The following GSE1 variants were observed in gnomAD, a reference collection of about 807,000 sequenced individuals.
GSE1 encodes Gse1 coiled-coil protein, also known as genetic suppressor element 1.
In GSE1, 32 loss-of-function variants were observed where a neutral mutation model predicts 112.6. That is an observed-to-expected ratio of 0.28 (90% CI 0.21 to 0.38). The LOEUF is 0.38. Among genes scored for constraint, GSE1 ranks in the 10% least tolerant of loss-of-function variants. The probability of loss-of-function intolerance (pLI) is 1.00; values close to 1 mark genes in which losing one functional copy is unlikely to be tolerated. For missense variants in GSE1, 2,348 were observed against 1,699.2 expected, an observed-to-expected ratio of 1.38 and a Z score of -6.71; for synonymous variants, 1,115 against 735.6, an observed-to-expected ratio of 1.52 and a Z score of -8.35.
intron 1 of GSE1, among the ~76,000 whole-genome samples, chr16:85,182,860 C>T (rs1788613524): frequency 6.6e-6 from 1 of 152,090 alleles, no homozygotes; most frequent in Non-Finnish European, 1.5e-5. Context: ...CCCCACCACT[C>T]CTCTGACCCA....
At chr16:85,626,996 GCCAGCCTTGT>G (rs1365903076) in intron 1 of GSE1, among the ~76,000 whole-genome samples, 1 of 137,810 alleles carries the variant, frequency 7.3e-6, no homozygotes, top group Non-Finnish European at 1.5e-5. Context: ...CGCTGGGCCA[GCCAGCCTTGT>G]CCCTCTCCAC....
intron 1 of GSE1, among the ~76,000 whole-genome samples, chr16:85,334,530 T>A (rs1193567006): frequency 6.6e-6 from 1 of 152,196 alleles, no homozygotes; most frequent in Non-Finnish European, 1.5e-5. Flanking sequence ...TGCTCATCCT[T>A]GAAGGACCTG....
intron 1 of GSE1, among the ~76,000 whole-genome samples, chr16:85,572,511 CCACA>C (rs555049488): frequency 1.3e-5 from 2 of 151,702 alleles, no homozygotes; most frequent in East Asian, 1.9e-4. Context: ...ACCACACACA[CCACA>C]CACACACCGC....
chr16:85,225,751 G>A (rs368011972), intron 1 of GSE1, among the ~76,000 whole-genome samples: 2 of 152,200 alleles, frequency 1.3e-5, no homozygotes, highest in African/African-American at 2.4e-5. Flanking sequence ...TGCAGTATTC[G>A]TAATGTATTG....
At chr16:85,584,282 C>G (rs1236565597) in intron 1 of GSE1, among the ~76,000 whole-genome samples, 8 of 152,154 alleles carry the variant, frequency 5.3e-5, no homozygotes, top group Non-Finnish European at 1.2e-4. Context: ...GGCCTCCCAG[C>G]TGAGAACTGG....
intron 1 of GSE1, among the ~76,000 whole-genome samples, chr16:85,582,944 G>A (rs183102535): frequency 1.3e-5 from 2 of 152,160 alleles, no homozygotes; most frequent in East Asian, 1.9e-4. Context: ...CTGTAAAGTC[G>A]GAGGATTACT....
intron 1 of GSE1, among the ~76,000 whole-genome samples, chr16:85,333,578 G>A (rs114754393): frequency 0.011 from 1,748 of 152,314 alleles, 31 homozygotes; most frequent in African/African-American, 0.04. Flanking sequence ...CCTCTTTACT[G>A]TATGTGGCCC....
At chr16:85,607,332 C>G (rs772445818), upstream of GSE1, among the ~76,000 whole-genome samples, 2 of 152,200 alleles carry the variant, frequency 1.3e-5, no homozygotes, top group African/African-American at 2.4e-5. Flanking sequence ...CCAGCAGCCC[C>G]GACGCACACG....
chr16:85,648,785 C>G (rs1371119027), intron 3 of GSE1, 34 bp downstream of exon 3: 15 of 1,319,342 alleles, frequency 1.1e-5, no homozygotes, highest in Non-Finnish European at 1.4e-5. Flanking sequence ...CTAGCGTCCT[C>G]TAAGTGGGGA....
intron 1 of GSE1, among the ~76,000 whole-genome samples, chr16:85,588,045 G>A (rs757560135): frequency 2.2e-4 from 34 of 152,140 alleles, no homozygotes; most frequent in Non-Finnish European, 3.1e-4. Context: ...GTGTCTCTTC[G>A]TCCTCCTCTT....
At chr16:85,506,519 G>A (rs748882448) in intron 2 of GSE1, among the ~76,000 whole-genome samples, 6 of 152,124 alleles carry the variant, frequency 3.9e-5, no homozygotes, top group Admixed American at 1.3e-4. Context: ...AGCAGGGCCC[G>A]CTGACGATCA....
At chr16:85,312,590 C>G (rs2045884591) in intron 1 of GSE1, among the ~76,000 whole-genome samples, 1 of 152,216 alleles carries the variant, frequency 6.6e-6, no homozygotes, top group Admixed American at 6.5e-5. Flanking sequence ...ATCTTAACTT[C>G]CTGACATCTG....
intron 6 of GSE1, 51 bp from the exon 7 acceptor site, chr16:85,656,292 G>T: frequency 1.3e-6 from 2 of 1,596,936 alleles, no homozygotes; most frequent in South Asian, 1.1e-5. Flanking sequence ...CCCCAGGTCC[G>T]TCTCTTGTTC....
intron 1 of GSE1, among the ~76,000 whole-genome samples, chr16:85,277,745 CA>C (rs964342485): frequency 1.3e-5 from 2 of 152,244 alleles, no homozygotes; most frequent in African/African-American, 4.8e-5. Flanking sequence ...CCATTTCCAA[CA>C]GCTGAGGCCT....
intron 1 of GSE1, among the ~76,000 whole-genome samples, chr16:85,214,559 T>C (rs971435731): frequency 6.6e-6 from 1 of 152,130 alleles, no homozygotes; most frequent in African/African-American, 2.4e-5. Flanking sequence ...GAATCCAGAC[T>C]TCTCCTAACC....
intron 2 of GSE1, among the ~76,000 whole-genome samples, chr16:85,398,365 G>A (rs2048015559): frequency 6.6e-6 from 1 of 152,174 alleles, no homozygotes; most frequent in Non-Finnish European, 1.5e-5. Context: ...CAAGAGCCCA[G>A]TCCCTCCTGA....
intron 2 of GSE1, among the ~76,000 whole-genome samples, chr16:85,507,489 G>T (rs756465847): frequency 3.9e-5 from 6 of 152,232 alleles, no homozygotes; most frequent in Non-Finnish European, 8.8e-5. Context: ...CTTCTGTTGG[G>T]GCTGCCATGG....
intron 2 of GSE1, among the ~76,000 whole-genome samples, chr16:85,499,882 A>G (rs1014789738): frequency 3.3e-5 from 5 of 152,240 alleles, no homozygotes; most frequent in Admixed American, 1.3e-4. Flanking sequence ...GTACATGGGA[A>G]AAACCTTTTT....
intron 8 of GSE1, among the ~76,000 whole-genome samples, chr16:85,658,383 C>G (rs902501763): frequency 3.3e-5 from 5 of 152,228 alleles, no homozygotes; most frequent in Non-Finnish European, 7.3e-5. Flanking sequence ...GTTCCCTGAG[C>G]CTCACTTTCC....
Sources: gnomAD v4.1 joint callset for allele counts (sites outside exome capture counted in the v4.1 genomes callset) on GRCh38, gnomAD v4.1.1 for gene constraint, MANE v1.5 for transcripts, NCBI Gene and HGNC (gene_info 2026-07-23, HGNC 2026-07-21) for gene names.